Variants in RANBP2 observed in about 807,000 individuals in gnomAD.
RANBP2 encodes E3 SUMO-protein ligase RanBP2.
A neutral mutation model predicts 303.6 loss-of-function variants in RANBP2; 57 were observed. That is an observed-to-expected ratio of 0.19 (90% CI 0.15 to 0.23). The LOEUF (loss-of-function observed/expected upper bound fraction) is 0.23, where lower values mean the gene tolerates loss of function less well. Ranked by LOEUF, RANBP2 falls within the 10% of genes least tolerant of loss-of-function variation. The probability of loss-of-function intolerance (pLI) is 1.00; values close to 1 mark genes in which losing one functional copy is unlikely to be tolerated. For synonymous variants in RANBP2, 1,167 were observed against 1,301.5 expected (o/e 0.90, Z 2.23); for missense variants, 3,138 against 3,780.8 (o/e 0.83, Z 4.46).
chr2:109,170,301 TCTCTTCTCTTCTCTC>T, the RANBP2 span, among the ~76,000 whole-genome samples: 3 of 111,234 alleles, frequency 2.7e-5, no homozygotes, highest in East Asian at 9.2e-4. Flanking sequence ...TCTCTTCTCT[TCTCTTCTCTTCTCTC>T]CTCTCTCTCT....
intron 1 of RANBP2, among the ~76,000 whole-genome samples, chr2:108,721,064 A>G (rs527429612): frequency 1.6e-4 from 24 of 151,926 alleles, no homozygotes; most frequent in African/African-American, 5.8e-4. Flanking sequence ...AAACAAAAAC[A>G]AAAAAAACCC....
chr2:109,005,347 C>A, the RANBP2 span, among the ~76,000 whole-genome samples: 1 of 152,306 alleles, frequency 6.6e-6, no homozygotes, highest in East Asian at 1.9e-4. Flanking sequence ...AGTCCAAATT[C>A]CTGATCTCCA....
the RANBP2 span, among the ~76,000 whole-genome samples, chr2:109,514,930 A>C: frequency 8.4e-6 from 1 of 119,142 alleles, no homozygotes; most frequent in South Asian, 3.1e-4. Context: ...CCCCTCACAC[A>C]CTTCCCTCTC....
the RANBP2 span, among the ~76,000 whole-genome samples, chr2:109,629,061 G>A: frequency 6.6e-6 from 1 of 151,548 alleles, no homozygotes; most frequent in Non-Finnish European, 1.5e-5. Context: ...AATTTGCTGG[G>A]CCTGGTGGTG....
At chr2:109,279,118 C>T in the RANBP2 span, among the ~76,000 whole-genome samples, 1 of 152,160 alleles carries the variant, frequency 6.6e-6, no homozygotes. Context: ...CCACGTATCA[C>T]CTGGAAAACC....
At chr2:109,142,043 TG>T in the RANBP2 span, among the ~76,000 whole-genome samples, 771 of 145,616 alleles carry the variant, frequency 5.3e-3, 5 homozygotes, top group African/African-American at 0.015. Flanking sequence ...TTGAGTCTCC[TG>T]GGGGGGGGGT....
chr2:109,267,571 A>G, the RANBP2 span, among the ~76,000 whole-genome samples: 1 of 152,106 alleles, frequency 6.6e-6, no homozygotes, highest in South Asian at 2.1e-4. Context: ...TTGCTTCCTA[A>G]TGAGGGCCCC....
At chr2:109,673,252 A>C in the RANBP2 span, among the ~76,000 whole-genome samples, 13 of 152,142 alleles carry the variant, frequency 8.5e-5, no homozygotes, top group African/African-American at 3.1e-4. Flanking sequence ...CCATCTTTAC[A>C]ATGGGGACAG....
chr2:109,092,541 T>C, the RANBP2 span, among the ~76,000 whole-genome samples: 1 of 152,194 alleles, frequency 6.6e-6, no homozygotes, highest in Admixed American at 6.5e-5. Context: ...TACATTTCCA[T>C]AAAACAGAAA....
the RANBP2 span, among the ~76,000 whole-genome samples, chr2:109,594,491 T>A: frequency 6.6e-6 from 1 of 152,078 alleles, no homozygotes; most frequent in East Asian, 1.9e-4. Context: ...GAATCTCTCC[T>A]GGAGACTGTT....
At chr2:108,929,395 G>C in the RANBP2 span, 2 of 1,613,826 alleles carry the variant, frequency 1.2e-6, no homozygotes, top group Non-Finnish European at 1.7e-6. Flanking sequence ...CAGGGAAAGA[G>C]GACAGGGGAC....
At chr2:109,310,255 G>A in the RANBP2 span, among the ~76,000 whole-genome samples, 4 of 48,602 alleles carry the variant, frequency 8.2e-5, 1 homozygote, top group Middle Eastern at 0.014. Context: ...GGTACATAAC[G>A]AAATGAAGGC....
chr2:108,854,201 T>C, the RANBP2 span, among the ~76,000 whole-genome samples: 1 of 148,942 alleles, frequency 6.7e-6, no homozygotes, highest in Non-Finnish European at 1.5e-5. Context: ...AGCAGATTTA[T>C]GTATTTTTAA....
At chr2:108,834,023 G>A in the RANBP2 span, among the ~76,000 whole-genome samples, 1 of 148,630 alleles carries the variant, frequency 6.7e-6, no homozygotes, top group African/African-American at 2.5e-5. Context: ...TGGGATTACA[G>A]GCGTGAGCCA....
the RANBP2 span, among the ~76,000 whole-genome samples, chr2:108,860,086 G>A: frequency 7.9e-5 from 12 of 151,642 alleles, no homozygotes; most frequent in Non-Finnish European, 1.6e-4. Flanking sequence ...TTGTGCCCTT[G>A]ATTTGGTTTT....
the RANBP2 span, among the ~76,000 whole-genome samples, chr2:109,202,914 A>G: frequency 6.6e-6 from 1 of 152,224 alleles, no homozygotes; most frequent in Non-Finnish European, 1.5e-5. Flanking sequence ...GTAATGTTTT[A>G]GAGTGTAGGT....
At chr2:109,003,427 T>C in the RANBP2 span, among the ~76,000 whole-genome samples, 1 of 151,772 alleles carries the variant, frequency 6.6e-6, no homozygotes, top group South Asian at 2.1e-4. Flanking sequence ...TTTTTTTTTT[T>C]GAGAAGGAGT....
At chr2:109,595,860 C>T in the RANBP2 span, among the ~76,000 whole-genome samples, 1 of 152,156 alleles carries the variant, frequency 6.6e-6, no homozygotes, top group Admixed American at 6.6e-5. Flanking sequence ...CAGAGCTCTG[C>T]ATTAGACACA....
chr2:109,545,898 G>A, the RANBP2 span: 1 of 1,447,374 alleles, frequency 6.9e-7, no homozygotes, highest in Non-Finnish European at 9.2e-7. Context: ...GTGAACAAGA[G>A]GGACAAGGTC....
Sources: gnomAD v4.1 joint callset for allele counts (sites outside exome capture counted in the v4.1 genomes callset) on GRCh38, gnomAD v4.1.1 for gene constraint, MANE v1.5 for transcripts, NCBI Gene and HGNC (gene_info 2026-07-23, HGNC 2026-07-21) for gene names.